SCIN: variants seen among roughly 807,000 people sequenced by gnomAD.
SCIN encodes adseverin.
A neutral mutation model predicts 91.8 loss-of-function variants in SCIN; 91 were observed. The observed-to-expected ratio is 0.99, with a 90% CI of 0.84 to 1.18. SCIN has a LOEUF of 1.18. SCIN is among the 50% of genes most tolerant of loss of function. The pLI is 0.00. For synonymous variants in SCIN, 367 were observed against 312.6 expected (o/e 1.17, Z -1.84); for missense variants, 1,087 against 863.9 (o/e 1.26, Z -3.24).
chr7:12,581,089 T>G lies in SCIN; in HGVS notation c.384T>G (p.His128Gln). Residue 128 changes from histidine (H) to glutamine (Q), a missense_variant, in exon 3 of 16, where the codon CAT (histidine) becomes CAG (glutamine). His to Gln is a conservative substitution (Grantham distance 24, BLOSUM62 0). Transcript: ENST00000297029. Reference sequence around the variant, plus strand: ...GAGGCGTGGCATCTGGATTAAATCATGTTCTTACGAACGACCTGACAGCCA... The same window carrying G: ...GAGGCGTGGCATCTGGATTAAATCAGGTTCTTACGAACGACCTGACAGCCA... ...KAGGVASGLN[H>Q]VLTNDLTAKR... The G allele has an allele frequency of 6.4e-7, 1 of 1,551,324 alleles. No homozygotes were observed. The highest frequency in any genetic ancestry group is 8.7e-7 in the Non-Finnish European group (1 of 1,146,722).
intron 4 of SCIN, among the ~76,000 whole-genome samples, chr7:12,612,582 C>T (rs919964726): frequency 1.3e-5 from 2 of 152,146 alleles, no homozygotes; most frequent in Admixed American, 6.5e-5. Flanking sequence ...CAAGTTGCGA[C>T]GCTCTCTAGA....
intron 9 of SCIN, 44 bp downstream of exon 9, chr7:12,629,266 A>C (rs777513876): frequency 1.3e-6 from 2 of 1,570,412 alleles, no homozygotes; most frequent in African/African-American, 2.7e-5. Context: ...CAGGAGCCAG[A>C]TTTTGCTCCA....
chr7:12,620,958 T>C (rs1042747588), intron 4 of SCIN, among the ~76,000 whole-genome samples: 3 of 152,122 alleles, frequency 2.0e-5, no homozygotes, highest in African/African-American at 7.2e-5. Context: ...CCCCATTAAA[T>C]TGTCAAAATA....
At chr7:12,605,397 A>G (rs1466307284) in intron 4 of SCIN, among the ~76,000 whole-genome samples, 1 of 152,134 alleles carries the variant, frequency 6.6e-6, no homozygotes, top group Non-Finnish European at 1.5e-5. Context: ...TTTTAAAATT[A>G]ACAGTTGCAG....
chr7:12,635,584 C>A (rs1386335275), intron 9 of SCIN, among the ~76,000 whole-genome samples: 1 of 129,106 alleles, frequency 7.7e-6, no homozygotes, highest in Non-Finnish European at 1.6e-5. Flanking sequence ...TGCACTCCAG[C>A]CCGGGCGACA....
At chr7:12,643,259 C>T (rs368185310) in intron 11 of SCIN, among the ~76,000 whole-genome samples, 114 of 152,256 alleles carry the variant, frequency 7.5e-4, no homozygotes, top group African/African-American at 2.6e-3. Context: ...CTTCATCTCC[C>T]GGCAGGCTAA....
At chr7:12,588,513 G>A (rs528409677) in intron 3 of SCIN, among the ~76,000 whole-genome samples, 6 of 152,048 alleles carry the variant, frequency 3.9e-5, no homozygotes, top group Non-Finnish European at 7.4e-5. Context: ...AACCTGCCAG[G>A]CTGCTTCACC....
At chr7:12,635,914 A>T (rs1562628974) in intron 9 of SCIN, 131 bp from the exon 10 acceptor site, 4 of 678,140 alleles carry the variant, frequency 5.9e-6, no homozygotes, top group Non-Finnish European at 1.0e-5. Context: ...ATAGCTTAAC[A>T]GCTTGTATCA....
intron 3 of SCIN, among the ~76,000 whole-genome samples, chr7:12,600,394 A>G (rs923827712): frequency 3.3e-5 from 5 of 152,318 alleles, no homozygotes; most frequent in African/African-American, 7.2e-5. Flanking sequence ...CACATTGGGT[A>G]CAGTGTAAAC....
chr7:12,644,353 A>C, intron 12 of SCIN, 38 bp downstream of exon 12: 1 of 1,539,428 alleles, frequency 6.5e-7, no homozygotes, highest in South Asian at 1.2e-5. Context: ...ACTAGAATTT[A>C]TACTGATACG....
chr7:12,654,468 G>C lies in SCIN; in HGVS notation c.*1753G>C, dbSNP rs1464805134. 1.3e-5 allele frequency: 2 copies of C among 152,056 alleles called. No individual in the cohort carries two copies. The highest frequency in any genetic ancestry group is 4.2e-4 in the South Asian group (2 of 4,816). 9.4% of individuals were successfully genotyped at this position (152,056 alleles called of 1,614,324 possible). On this transcript the variant is annotated 3_prime_UTR_variant, in exon 16 of 16. Coordinates refer to ENST00000297029, the MANE Select transcript of SCIN (RefSeq NM_001112706.3). The stretch of plus-strand genomic sequence containing the variant: ...TACTAATAAATATAGTGCTAGTCCT[G>C]CATGCAACAAAAATGATGTAAGTAG...
intron 11 of SCIN, among the ~76,000 whole-genome samples, chr7:12,641,579 G>T (rs1366625258): frequency 1.3e-5 from 2 of 152,038 alleles, no homozygotes; most frequent in African/African-American, 4.8e-5. Flanking sequence ...CTCTCTTCCA[G>T]CAGTCTTTTC....
chr7:12,651,916 TG>T lies in SCIN; in HGVS notation c.2020+17del. The T allele has an allele frequency of 6.3e-7, 1 of 1,581,988 alleles. No homozygotes were observed. Among genetic ancestry groups the T allele is most frequent in the Non-Finnish European group, 8.7e-7 (1 of 1,154,620 alleles). ...TCTGAAGTCTGGTAAGCTCAATCGA[TG>T]GACCATTATAGCAGTAACCGGGCAC... On this transcript the variant is annotated intron_variant, in intron 15 of 15. Transcript: ENST00000297029. The surrounding 1 kb of genome is among the most constrained non-coding windows in gnomAD (Gnocchi z 5.9).
At chr7:12,614,542 C>A (rs1041473867) in intron 4 of SCIN, among the ~76,000 whole-genome samples, 1 of 152,060 alleles carries the variant, frequency 6.6e-6, no homozygotes, top group African/African-American at 2.4e-5. Flanking sequence ...GAAAGGTGAT[C>A]CTGAAAGCAT....
chr7:12,651,302 C>G lies in SCIN; in HGVS notation c.1960-539C>G, dbSNP rs1362036813. ...TAAGAGTGTGATACTCTCAGTTAATCTTCCCTAGATCCCGAAAAGGGAGGG... is the reference window on the plus strand; with the variant it reads ...TAAGAGTGTGATACTCTCAGTTAATGTTCCCTAGATCCCGAAAAGGGAGGG... On this transcript the variant is annotated intron_variant, in intron 14 of 15. Transcript: ENST00000297029. The surrounding 1 kb of genome is among the most constrained non-coding windows in gnomAD (Gnocchi z 5.9). Among the ~76,000 whole-genome samples the G allele has an allele frequency of 1.3e-5, 2 of 152,132 alleles. No individual in the cohort carries two copies. Among genetic ancestry groups the G allele is most frequent in the Non-Finnish European group, 2.9e-5 (2 of 68,022 alleles).
chr7:12,571,644 TA>T (rs1214681733), intron 1 of SCIN: 2 of 453,164 alleles, frequency 4.4e-6, no homozygotes, highest in Non-Finnish European at 9.0e-6. Context: ...AAAATACAGA[TA>T]TTTTATATAC....
chr7:12,653,217 G>A lies in SCIN; in HGVS notation c.*502G>A, dbSNP rs1784118233. 1 of 151,984 alleles carries A rather than the reference G, an allele frequency of 6.6e-6. No homozygotes were observed. The highest frequency in any genetic ancestry group is 2.4e-5 in the African/African-American group (1 of 41,332). The allele number at this position is 151,984 out of a possible 1,614,324, so 9.4% of individuals were successfully genotyped here. A position where few individuals can be genotyped will look rare whatever the true frequency, so the allele number is the denominator to read the frequency against. ...TTACGTTAATACATTAAAATAACCTGAAGGAAACTTTCGTTATGGGCCAAT... is the reference window on the plus strand; with the variant it reads ...TTACGTTAATACATTAAAATAACCTAAAGGAAACTTTCGTTATGGGCCAAT... On this transcript the variant is annotated 3_prime_UTR_variant, in exon 16 of 16. Transcript: ENST00000297029. The surrounding 1 kb of genome is among the most constrained non-coding windows in gnomAD (Gnocchi z 4.1).
At position 12,577,052 on chromosome 7, in the gene SCIN, T is replaced by G. The variant is rs540761552; in HGVS notation, c.200-1012T>G. On this transcript the variant is annotated intron_variant, in intron 1 of 15. Coordinates refer to ENST00000297029, the MANE Select transcript of SCIN (RefSeq NM_001112706.3). ...AGACACTGGTTCTTAGGAATTGTTT[T>G]GACCTTAGTGAAGTTACCTGGATGT... is the stretch of plus-strand genomic sequence containing the variant. 2.0e-4 allele frequency among the ~76,000 whole-genome samples: 30 copies of G among 152,306 alleles called. 1 individual carries two copies. Among genetic ancestry groups the G allele is most frequent in the Admixed American group, 1.8e-3 (28 of 15,296 alleles).
chr7:12,638,414 A>C (rs781598122), intron 10 of SCIN, among the ~76,000 whole-genome samples: 2 of 152,172 alleles, frequency 1.3e-5, no homozygotes, highest in African/African-American at 4.8e-5. Context: ...AGCATCTTAC[A>C]GATTAGAGTT....
Sources: gnomAD v4.1 joint callset for allele counts (sites outside exome capture counted in the v4.1 genomes callset) on GRCh38, gnomAD v4.1.1 for gene constraint, Gnocchi (gnomAD v3.1) non-coding constraint, MANE v1.5 for transcripts, NCBI Gene and HGNC (gene_info 2026-07-23, HGNC 2026-07-21) for gene names.